Variants in UTS2B observed in about 807,000 individuals in gnomAD.
UTS2B encodes urotensin-2B.
Under a neutral mutation model 19.2 loss-of-function variants are expected in UTS2B, and 21 were observed. That is an observed-to-expected ratio of 1.09 (90% CI 0.78 to 1.58). The LOEUF (loss-of-function observed/expected upper bound fraction) is 1.58, where lower values mean the gene tolerates loss of function less well. UTS2B is among the 40% of genes most tolerant of loss of function. The pLI is 0.00. For synonymous variants in UTS2B, 57 were observed against 50.2 expected, an observed-to-expected ratio of 1.14 and a Z score of -0.58; for missense variants, 138 against 130.3, an observed-to-expected ratio of 1.06 and a Z score of -0.29.
chr3:191,283,299 C>G (rs1007223320), intron 4 of UTS2B, among the ~76,000 whole-genome samples: 2 of 152,186 alleles, frequency 1.3e-5, no homozygotes, highest in African/African-American at 4.8e-5. Flanking sequence ...ACTTTCTGCA[C>G]TTCAGAGAGT....
At chr3:191,301,679 C>T (rs893297737) in intron 4 of UTS2B, among the ~76,000 whole-genome samples, 9 of 151,358 alleles carry the variant, frequency 5.9e-5, no homozygotes, top group East Asian at 2.0e-4. Context: ...TTAGTAGAGA[C>T]GGGGTTTCAC....
chr3:191,293,824 G>A (rs1716780763), intron 4 of UTS2B, among the ~76,000 whole-genome samples: 1 of 151,934 alleles, frequency 6.6e-6, no homozygotes, highest in South Asian at 2.1e-4. Context: ...AGGGCCTGGT[G>A]CAGTGGCTCA....
At chr3:191,288,334 GA>G (rs1252333683) in intron 4 of UTS2B, among the ~76,000 whole-genome samples, 1 of 152,122 alleles carries the variant, frequency 6.6e-6, no homozygotes. Flanking sequence ...ATTTTGGGCA[GA>G]AAAACGCTGG....
chr3:191,304,212 C>T (rs1227450041), intron 4 of UTS2B, among the ~76,000 whole-genome samples: 3 of 152,194 alleles, frequency 2.0e-5, no homozygotes, highest in Admixed American at 2.0e-4. Context: ...CCTGCCTCGG[C>T]CTCCCAAAGT....
At chr3:191,287,634 C>T (rs1164479626) in intron 4 of UTS2B, among the ~76,000 whole-genome samples, 1 of 151,922 alleles carries the variant, frequency 6.6e-6, no homozygotes, top group South Asian at 2.1e-4. Flanking sequence ...ATATGAAAAA[C>T]CCATAGCTAA....
intron 1 of UTS2B, chr3:191,329,413 T>G: frequency 9.6e-6 from 4 of 415,174 alleles, no homozygotes; most frequent in Admixed American, 4.8e-5. Flanking sequence ...CTCCGGATAT[T>G]TGGTATCGAT....
At chr3:191,275,828 A>G (rs959870411) in intron 7 of UTS2B, among the ~76,000 whole-genome samples, 1 of 152,180 alleles carries the variant, frequency 6.6e-6, no homozygotes, top group Non-Finnish European at 1.5e-5. Flanking sequence ...AGAAAAAAAC[A>G]AAAAAGAGAG....
intron 2 of UTS2B, among the ~76,000 whole-genome samples, chr3:191,327,336 A>C (rs1211359865): frequency 1.3e-5 from 2 of 152,188 alleles, no homozygotes; most frequent in Non-Finnish European, 2.9e-5. Context: ...CCTCTACTAA[A>C]AATACAAAAG....
upstream of UTS2B, among the ~76,000 whole-genome samples, chr3:191,333,618 T>A (rs958820790): frequency 5.9e-5 from 9 of 152,334 alleles, no homozygotes; most frequent in Middle Eastern, 3.4e-3. Flanking sequence ...GTTATCTTGC[T>A]GTACCCTCAT....
In UTS2B at chr3:191,329,713, A is replaced by T. The variant is rs1328365606; in HGVS notation, c.-665+701T>A. ...GCATCGACCAGTCCAAGCTGCCTGGAGTCAAGGAAGGTAAGGGCCCCGGAG... is the reference window on the plus strand; with the variant it reads ...GCATCGACCAGTCCAAGCTGCCTGGTGTCAAGGAAGGTAAGGGCCCCGGAG... On this transcript the variant is annotated intron_variant, in intron 1 of 8. Transcript: ENST00000340524. 3 of 1,610,078 alleles carry T rather than the reference A, an allele frequency of 1.9e-6. No homozygotes were observed. The Admixed American group carries it at 5.0e-5, about 27-fold the overall frequency.
At chr3:191,280,409 A>T (rs1163593300) in intron 5 of UTS2B, among the ~76,000 whole-genome samples, 2 of 152,216 alleles carry the variant, frequency 1.3e-5, no homozygotes, top group East Asian at 3.9e-4. Context: ...TGATAACCCC[A>T]ACTTTGTAGT....
intron 3 of UTS2B, among the ~76,000 whole-genome samples, chr3:191,310,650 G>A (rs1254433413): frequency 6.6e-6 from 1 of 152,134 alleles, no homozygotes; most frequent in East Asian, 1.9e-4. Flanking sequence ...ATGAAATTGT[G>A]GCAAGCTAAC....
At chr3:191,290,538 C>T (rs1716682823) in intron 4 of UTS2B, among the ~76,000 whole-genome samples, 1 of 152,214 alleles carries the variant, frequency 6.6e-6, no homozygotes, top group Admixed American at 6.5e-5. Flanking sequence ...CGCAGAGCTA[C>T]ATGCTTAACC....
Position 191,268,309 on chromosome 3 carries a change from T to C in UTS2B, c.*107A>G, listed in dbSNP as rs1305706752. The C allele has an allele frequency of 2.9e-5, 24 of 816,030 alleles. No homozygotes were observed. The Admixed American group carries it at 7.5e-4, about 26-fold the overall frequency. The allele number at this position is 816,030 out of a possible 1,614,324, so 50.5% of individuals were successfully genotyped here. A position where few individuals can be genotyped will look rare whatever the true frequency, so the allele number is the denominator to read the frequency against. On this transcript the variant is annotated 3_prime_UTR_variant, in exon 9 of 9. Transcript: ENST00000340524. The stretch of plus-strand genomic sequence containing the variant: ...ATTTACAATAATCAGGAGCATTTCA[T>C]CTTTTATTCCACAGCAATAGTTTCA...
intron 4 of UTS2B, among the ~76,000 whole-genome samples, chr3:191,302,311 C>G (rs1297843885): frequency 6.6e-6 from 1 of 152,212 alleles, no homozygotes; most frequent in Admixed American, 6.5e-5. Flanking sequence ...CTCAGTTCCT[C>G]TAATTTCCCA....
intron 3 of UTS2B, among the ~76,000 whole-genome samples, chr3:191,314,567 G>A (rs1717396363): frequency 1.3e-5 from 2 of 152,154 alleles, no homozygotes; most frequent in Admixed American, 6.5e-5. Flanking sequence ...AGACTGTTTT[G>A]TATGCTAATG....
chr3:191,273,451 G>A (rs577919195), intron 8 of UTS2B: 5 of 456,604 alleles, frequency 1.1e-5, no homozygotes, highest in South Asian at 7.7e-5. Context: ...CAGTAGAAAT[G>A]ATGTGTGTCC....
At chr3:191,304,057 C>T (rs1407854102) in intron 4 of UTS2B, among the ~76,000 whole-genome samples, 3 of 152,044 alleles carry the variant, frequency 2.0e-5, no homozygotes, top group Non-Finnish European at 4.4e-5. Flanking sequence ...GCAACCTCCG[C>T]CTCCTGGGCT....
At chr3:191,276,897 T>G (rs1027888981) in intron 6 of UTS2B, 53 bp from the exon 7 acceptor site, 1 of 1,516,250 alleles carries the variant, frequency 6.6e-7, no homozygotes, top group African/African-American at 1.4e-5. Flanking sequence ...TAATATTTAA[T>G]TTGCTTCAGT....
Sources: gnomAD v4.1 joint callset for allele counts (sites outside exome capture counted in the v4.1 genomes callset) on GRCh38, gnomAD v4.1.1 for gene constraint, MANE v1.5 for transcripts, NCBI Gene and HGNC (gene_info 2026-07-23, HGNC 2026-07-21) for gene names.